KIAA0319: variants seen among roughly 807,000 people sequenced by gnomAD.
KIAA0319 encodes KIAA0319.
In KIAA0319, 83 loss-of-function variants were observed where a neutral mutation model predicts 108.4. The ratio of observed to expected loss-of-function variants is 0.77; its 90% CI spans 0.64 to 0.92. The LOEUF (loss-of-function observed/expected upper bound fraction) is 0.92, where lower values mean the gene tolerates loss of function less well. KIAA0319 is among the 40% of genes least tolerant of loss of function. The probability of loss-of-function intolerance (pLI) is 0.00; values close to 1 mark genes in which losing one functional copy is unlikely to be tolerated. For missense variants in KIAA0319, 1,195 were observed against 1,322.4 expected (o/e 0.90, Z 1.49); for synonymous variants, 484 against 510.4 (o/e 0.95, Z 0.70).
rs1770291235 is a variant in KIAA0319, at chr6:24,599,522, C to CT, written c.55+1526dup. The CT allele has an allele frequency of 1.8e-6, 1 of 570,966 alleles. No homozygotes were observed. The highest frequency in any genetic ancestry group is 3.4e-6 in the Non-Finnish European group (1 of 297,358). 35.4% of individuals were successfully genotyped at this position (570,966 alleles called of 1,614,324 possible). A position where few individuals can be genotyped will look rare whatever the true frequency, so the allele number is the denominator to read the frequency against. On this transcript the variant is annotated intron_variant, in intron 2 of 20. Coordinates refer to ENST00000378214, the MANE Select transcript of KIAA0319 (RefSeq NM_014809.4). The surrounding 1 kb of genome is among the most constrained non-coding windows in gnomAD (Gnocchi z 4.1). ...CAACCCTGGACATCGAGATTGTCAC[C>CT]TACAGGAAGGTGCTGGAGGGCGAGG...
chr6:24,566,880 G>A lies in KIAA0319; in HGVS notation c.2141-132C>T, dbSNP rs1029914992. The A allele has an allele frequency of 3.8e-6, 3 of 784,518 alleles. No individual in the cohort carries two copies. The African/African-American group carries it at 5.3e-5, about 14-fold the overall frequency. 48.6% of individuals were successfully genotyped at this position (784,518 alleles called of 1,614,324 possible). A position where few individuals can be genotyped will look rare whatever the true frequency, so the allele number is the denominator to read the frequency against. ...TATGTAGAATTAAAATATCCAAAAA[G>A]GCATTTTTTTCCCCAGATGCATATA... On this transcript the variant is annotated intron_variant, in intron 13 of 20. Coordinates refer to ENST00000378214, the MANE Select transcript of KIAA0319 (RefSeq NM_014809.4).
intron 1 of KIAA0319, among the ~76,000 whole-genome samples, chr6:24,611,734 T>C (rs1562065541): frequency 6.6e-6 from 1 of 151,222 alleles, no homozygotes; most frequent in East Asian, 1.9e-4. Context: ...GAAAAGAAAA[T>C]ATAAGCGCAT....
At position 24,596,630 on chromosome 6, in the gene KIAA0319, G is replaced by C; in HGVS notation, c.56-12C>G. 1 of 1,581,428 alleles carries C rather than the reference G, an allele frequency of 6.3e-7. No homozygotes were observed. Among genetic ancestry groups the C allele is most frequent in the Non-Finnish European group, 8.6e-7 (1 of 1,160,110 alleles). On this transcript the variant is annotated splice_polypyrimidine_tract_variant and intron_variant, in intron 2 of 20. Transcript: ENST00000378214. ...CTTACGGGCACAACCTTTAAACAAA[G>C]TAGTTTCTAATGAGGGAGAGAGGCA... is the stretch of plus-strand genomic sequence containing the variant.
intron 19 of KIAA0319, among the ~76,000 whole-genome samples, chr6:24,553,717 C>T (rs988707076): frequency 3.3e-5 from 5 of 152,166 alleles, no homozygotes; most frequent in African/African-American, 1.2e-4. Context: ...TCACATCATA[C>T]CCTTTTTGTC....
Position 24,555,496 on chromosome 6 carries a change from C to CAA in KIAA0319, c.2858-867_2858-866dup, listed in dbSNP as rs34005198. On this transcript the variant is annotated intron_variant, in intron 18 of 20. Transcript: ENST00000378214. Reference sequence around the variant, plus strand: ...TGGGTGACAGAGCAAGACTCCATCTCAAAAAAAAAAAAAAAAAAAAAAAGG... The same window carrying CAA: ...TGGGTGACAGAGCAAGACTCCATCTCAAAAAAAAAAAAAAAAAAAAAAAAAGG... Among the ~76,000 whole-genome samples, 217 of 80,312 alleles carry CAA rather than the reference C, an allele frequency of 2.7e-3. 1 individual carries two copies. The highest frequency in any genetic ancestry group is 6.7e-3 in the Middle Eastern group (1 of 150). 52.7% of individuals were successfully genotyped at this position (80,312 alleles called of 152,430 possible). A position where few individuals can be genotyped will look rare whatever the true frequency, so the allele number is the denominator to read the frequency against.
At chr6:24,567,115 G>A (rs147725325) in intron 13 of KIAA0319, among the ~76,000 whole-genome samples, 56 of 152,160 alleles carry the variant, frequency 3.7e-4, no homozygotes, top group African/African-American at 1.3e-3. Flanking sequence ...GGGTCATTTT[G>A]TACTGGTCCA....
intron 18 of KIAA0319, among the ~76,000 whole-genome samples, chr6:24,555,954 C>T (rs1366661599): frequency 6.6e-6 from 1 of 152,202 alleles, no homozygotes; most frequent in African/African-American, 2.4e-5. Flanking sequence ...GCCAATTCTG[C>T]TCTGCCAAAG....
At chr6:24,594,597 A>G (rs1352378042) in intron 3 of KIAA0319, among the ~76,000 whole-genome samples, 2 of 151,018 alleles carry the variant, frequency 1.3e-5, no homozygotes, top group African/African-American at 4.9e-5. Context: ...ACTGTACTCC[A>G]GCCTGGGCGA....
intron 19 of KIAA0319, among the ~76,000 whole-genome samples, chr6:24,553,062 C>G (rs1317034720): frequency 6.6e-6 from 1 of 151,856 alleles, no homozygotes; most frequent in Admixed American, 6.6e-5. Context: ...CAGGGGTCAG[C>G]TCCATGGAAA....
chr6:24,554,422 A>G, intron 19 of KIAA0319, 119 bp downstream of exon 19: 1 of 725,704 alleles, frequency 1.4e-6, no homozygotes, highest in Non-Finnish European at 2.4e-6. Context: ...TTGTGGCAGA[A>G]AGTGCATTAT....
chr6:24,571,981 C>A (rs1245961649), intron 11 of KIAA0319, among the ~76,000 whole-genome samples: 2 of 152,210 alleles, frequency 1.3e-5, no homozygotes, highest in African/African-American at 4.8e-5. Context: ...ATTCCACATC[C>A]CAGGGTCTAA....
chr6:24,636,865 A>T (rs1776278208), intron 1 of KIAA0319, among the ~76,000 whole-genome samples: 1 of 152,164 alleles, frequency 6.6e-6, no homozygotes, highest in Admixed American at 6.5e-5. Flanking sequence ...CAGATAATAA[A>T]CAGCAGAAAA....
At chr6:24,548,334 T>A (rs1401609919) in intron 20 of KIAA0319, among the ~76,000 whole-genome samples, 2 of 151,268 alleles carry the variant, frequency 1.3e-5, no homozygotes, top group Admixed American at 1.3e-4. Context: ...AGAGAGGGGG[T>A]CTTGCCAACA....
chr6:24,610,554 A>T (rs746509484), intron 1 of KIAA0319, among the ~76,000 whole-genome samples: 8 of 152,238 alleles, frequency 5.3e-5, no homozygotes, highest in Non-Finnish European at 1.2e-4. Flanking sequence ...TTACTATATA[A>T]CCCAGCAATT....
rs140893237 is a variant in KIAA0319, at chr6:24,620,699, G to T, written c.-105-19491C>A. 6.1e-3 allele frequency among the ~76,000 whole-genome samples: 936 copies of T among 152,268 alleles called. 11 individuals are homozygous for T. Among genetic ancestry groups the T allele is most frequent in the African/African-American group, 0.021 (888 of 41,544 alleles). Reference sequence around the variant, plus strand: ...TCCATAAAAAGAAAAAAGTACTATAGAGTCGGTGGCTTAAATAACGGAATT... The same window carrying T: ...TCCATAAAAAGAAAAAAGTACTATATAGTCGGTGGCTTAAATAACGGAATT... On this transcript the variant is annotated intron_variant, in intron 1 of 20. Transcript: ENST00000378214.
chr6:24,585,855 G>A (rs542495721), intron 4 of KIAA0319, among the ~76,000 whole-genome samples: 5 of 152,292 alleles, frequency 3.3e-5, no homozygotes, highest in Non-Finnish European at 5.9e-5. Flanking sequence ...TTGGGAGGCT[G>A]AGGCAGGTGG....
Position 24,556,729 on chromosome 6 carries a change from C to G in KIAA0319, c.2735G>C (p.Gly912Ala), listed in dbSNP as rs752280978. Reference sequence around the variant, plus strand: ...ATGGCCAGAACACTTCAGAAGGCAACCTGCAAAGAGGTGTGTAGGGCTGAG... The same window carrying G: ...ATGGCCAGAACACTTCAGAAGGCAAGCTGCAAAGAGGTGTGTAGGGCTGAG... ...LFKVLRVDTA[G>A]CLLKCSGHGH... The change falls in exon 18 of 21, where the codon GGT becomes GCT. Residue 912 changes from glycine (G) to alanine (A), a missense_variant and splice_region_variant. By Grantham distance (60) the Gly-to-Ala change is moderately conservative (BLOSUM62 0). Coordinates refer to ENST00000378214, the MANE Select transcript of KIAA0319 (RefSeq NM_014809.4). 12 of 1,613,164 alleles carry G rather than the reference C, an allele frequency of 7.4e-6. No homozygotes were observed. Among genetic ancestry groups the G allele is most frequent in the Non-Finnish European group, 1.0e-5 (12 of 1,179,746 alleles).
At chr6:24,553,292 TATACACACACACACACAC>T (rs1277968056) in intron 19 of KIAA0319, among the ~76,000 whole-genome samples, 1 of 95,016 alleles carries the variant, frequency 1.1e-5, no homozygotes, top group African/African-American at 4.8e-5. Flanking sequence ...TATATATATA[TATACACACACACACACAC>T]ACACACACAC....
intron 8 of KIAA0319, among the ~76,000 whole-genome samples, chr6:24,579,523 T>TTA (rs201544433): frequency 0.02 from 2,919 of 145,566 alleles, 97 homozygotes; most frequent in African/African-American, 0.066. Context: ...CTTATATATC[T>TTA]TATATATATA....
Sources: gnomAD v4.1 joint callset for allele counts (sites outside exome capture counted in the v4.1 genomes callset) on GRCh38, gnomAD v4.1.1 for gene constraint, Gnocchi (gnomAD v3.1) non-coding constraint, MANE v1.5 for transcripts, NCBI Gene and HGNC (gene_info 2026-07-23, HGNC 2026-07-21) for gene names.